FA2H: variants seen among roughly 807,000 people sequenced by gnomAD.
FA2H encodes the protein fatty acid alpha-hydroxylase.
In FA2H, 22 loss-of-function variants were observed where a neutral mutation model predicts 44.9. The ratio of observed to expected loss-of-function variants is 0.49; its 90% confidence interval spans 0.35 to 0.70. FA2H has a LOEUF of 0.70. FA2H is among the 30% of genes least tolerant of loss of function. The probability of loss-of-function intolerance (pLI) is 0.01; values close to 1 mark genes in which losing one functional copy is unlikely to be tolerated. For missense variants in FA2H, 501 were observed against 504.9 expected (o/e 0.99, Z 0.07); for synonymous variants, 243 against 213.2 (o/e 1.14, Z -1.22).
In FA2H at chr16:74,759,595, G is replaced by C. The variant is rs528630832; in HGVS notation, c.270+14891C>G. On this transcript the variant is annotated intron_variant, in intron 1 of 6. Coordinates refer to ENST00000219368, the MANE Select transcript of FA2H (RefSeq NM_024306.5). ...TAAACAAGAGAAACCTAGATAGAAG[G>C]AGCATTTAAAATTCCCTTACTTTCC... 7.9e-5 allele frequency among the ~76,000 whole-genome samples: 12 copies of C among 152,314 alleles called. No individual in the cohort carries two copies. In the South Asian group the frequency reaches 1.9e-3, roughly 24 times the overall value.
In FA2H at chr16:74,717,707, G is replaced by A. The variant is rs569115335; in HGVS notation, c.787-1108C>T. ...TGGCTACAGGCCATACAGTCTCCTC[G>A]GGTCCTCATGGTGTGGCAGCAGGGG... On this transcript the variant is annotated intron_variant, in intron 5 of 6. Coordinates refer to ENST00000219368, the MANE Select transcript of FA2H (RefSeq NM_024306.5). Among the ~76,000 whole-genome samples, 288 of 152,302 alleles carry A rather than the reference G, an allele frequency of 1.9e-3. 1 individual carries two copies. The highest frequency in any genetic ancestry group is 6.8e-3 in the African/African-American group (281 of 41,560).
intron 1 of FA2H, among the ~76,000 whole-genome samples, chr16:74,760,083 C>A (rs1323214335): frequency 6.6e-6 from 1 of 152,196 alleles, no homozygotes; most frequent in Non-Finnish European, 1.5e-5. Flanking sequence ...CTACAGGGAT[C>A]ATCGTTATCC....
chr16:74,755,855 A>G (rs1962600826), intron 1 of FA2H, among the ~76,000 whole-genome samples: 1 of 151,122 alleles, frequency 6.6e-6, no homozygotes, highest in Non-Finnish European at 1.5e-5. Flanking sequence ...TTTTCCCCCT[A>G]CTAAGCGTAA....
rs554678864 is a variant in FA2H, at chr16:74,722,495, C to T, written c.614-3335G>A. ...AGCCTGCAGTGAGCTGTGATTGCAC[C>T]ATTGCACTCCAGCCTGGATGACAGA... is the stretch of plus-strand genomic sequence containing the variant. On this transcript the variant is annotated intron_variant, in intron 4 of 6. Coordinates refer to ENST00000219368, the MANE Select transcript of FA2H (RefSeq NM_024306.5). 1.3e-4 allele frequency among the ~76,000 whole-genome samples: 20 copies of T among 152,186 alleles called. 1 individual carries two copies. In the South Asian group the frequency reaches 3.9e-3, roughly 30 times the overall value.
intron 1 of FA2H, among the ~76,000 whole-genome samples, chr16:74,740,338 C>A (rs1046691137): frequency 2.6e-5 from 4 of 152,022 alleles, no homozygotes; most frequent in Non-Finnish European, 4.4e-5. Flanking sequence ...AATTTCCAGC[C>A]GGGCGCAGTG....
chr16:74,752,957 C>T (rs1444621726), intron 1 of FA2H, among the ~76,000 whole-genome samples: 2 of 152,342 alleles, frequency 1.3e-5, no homozygotes, highest in African/African-American at 4.8e-5. Flanking sequence ...CAGGGGTGCA[C>T]AGTCCTGCCC....
intron 2 of FA2H, among the ~76,000 whole-genome samples, chr16:74,733,112 C>T (rs1014876314): frequency 1.1e-4 from 17 of 152,206 alleles, no homozygotes; most frequent in African/African-American, 3.9e-4. Flanking sequence ...ATCTAGCCTA[C>T]GCTGTGTCTC....
At chr16:74,749,573 T>C (rs1962493711) in intron 1 of FA2H, among the ~76,000 whole-genome samples, 1 of 152,202 alleles carries the variant, frequency 6.6e-6, no homozygotes, top group South Asian at 2.1e-4. Flanking sequence ...CCAGCATTGC[T>C]TCTGCTCGTG....
rs950957778 is a variant in FA2H, at chr16:74,731,246, T to C, written c.364-3860A>G. Among the ~76,000 whole-genome samples, 3 of 147,002 alleles carry C rather than the reference T, an allele frequency of 2.0e-5. No homozygotes were observed. The South Asian group carries it at 6.6e-4, about 32-fold the overall frequency. ...TCTCCTGGGTTCAAGCGATTCTCGCTGCCTCAGCCTCCTGAGTAGCTGGGA... is the reference window on the plus strand; with the variant it reads ...TCTCCTGGGTTCAAGCGATTCTCGCCGCCTCAGCCTCCTGAGTAGCTGGGA... On this transcript the variant is annotated intron_variant, in intron 2 of 6. Coordinates refer to ENST00000219368, the MANE Select transcript of FA2H (RefSeq NM_024306.5).
chr16:74,738,404 G>T (rs377346447), intron 2 of FA2H, among the ~76,000 whole-genome samples: 1 of 152,130 alleles, frequency 6.6e-6, no homozygotes, highest in Non-Finnish European at 1.5e-5. Flanking sequence ...TGATGGGGCC[G>T]GGGTCAGCCC....
chr16:74,765,058 C>A (rs144673526), intron 1 of FA2H, among the ~76,000 whole-genome samples: 1 of 152,142 alleles, frequency 6.6e-6, no homozygotes, highest in East Asian at 1.9e-4. Flanking sequence ...TGCAAAGAAC[C>A]GAGGACAAAG....
chr16:74,725,109 C>T (rs948825350), intron 4 of FA2H, among the ~76,000 whole-genome samples: 1 of 152,210 alleles, frequency 6.6e-6, no homozygotes, highest in South Asian at 2.1e-4. Context: ...AACCATGGCT[C>T]GAGGGATGCC....
chr16:74,772,043 C>T (rs572458187), intron 1 of FA2H, among the ~76,000 whole-genome samples: 70 of 151,974 alleles, frequency 4.6e-4, no homozygotes, highest in African/African-American at 1.5e-3. Flanking sequence ...CTCCACCTCC[C>T]GGGCTCACCT....
intron 1 of FA2H, among the ~76,000 whole-genome samples, chr16:74,749,022 G>T (rs1369104483): frequency 6.6e-6 from 1 of 152,162 alleles, no homozygotes. Flanking sequence ...AGCTAGGAAG[G>T]GGCAGGCCCC....
chr16:74,714,181 T>C lies in FA2H; in HGVS notation c.*9A>G, dbSNP rs772910671. 4 of 1,541,500 alleles carry C rather than the reference T, an allele frequency of 2.6e-6. 1 individual carries two copies. The South Asian group carries it at 4.8e-5, about 18-fold the overall frequency. On this transcript the variant is annotated 3_prime_UTR_variant, in exon 7 of 7. Transcript: ENST00000219368. ...CGGGCTGAGGGCAGGACGGAGGGGG[T>C]GGGAGTTGTCACTGCGTCTTCAGGT...
chr16:74,762,548 CA>C (rs746338492), intron 1 of FA2H, among the ~76,000 whole-genome samples: 25 of 151,332 alleles, frequency 1.7e-4, no homozygotes, highest in Non-Finnish European at 2.7e-4. Context: ...AACTTTTTTT[CA>C]AGATGGAGTC....
chr16:74,733,285 C>G (rs1292196992), intron 2 of FA2H, among the ~76,000 whole-genome samples: 2 of 152,228 alleles, frequency 1.3e-5, no homozygotes, highest in African/African-American at 2.4e-5. Context: ...GGGCCTCAGT[C>G]TCGCTATTCC....
intron 6 of FA2H, 28 bp downstream of exon 6, chr16:74,716,319 G>A (rs868173867): frequency 1.2e-6 from 2 of 1,611,568 alleles, no homozygotes; most frequent in Non-Finnish European, 1.7e-6. Flanking sequence ...CACACATAGG[G>A]GGCTGGGAAG....
In FA2H at chr16:74,749,606, T is replaced by C. The variant is rs540904760; in HGVS notation, c.271-9491A>G. 8.5e-5 allele frequency among the ~76,000 whole-genome samples: 13 copies of C among 152,290 alleles called. No homozygotes were observed. The South Asian group carries it at 2.3e-3, about 27-fold the overall frequency. On this transcript the variant is annotated intron_variant, in intron 1 of 6. Transcript: ENST00000219368. ...GTGAAGTGAACTCCCTCTGATGCCA[T>C]TGCCAGCAACCTCGACACCGGAAGC...
Sources: allele counts gnomAD v4.1 joint callset (sites outside exome capture counted in the v4.1 genomes callset), GRCh38; gene constraint gnomAD v4.1.1; transcripts MANE v1.5; gene names NCBI Gene and HGNC (gene_info 2026-07-23, HGNC 2026-07-21).